KLRG1: variants seen among roughly 807,000 people sequenced by gnomAD.
KLRG1 encodes the protein killer cell lectin like receptor G1.
KLRG1 carries 16 observed loss-of-function variants against 21.8 expected under a neutral mutation model. That is an observed-to-expected ratio of 0.73 (90% CI 0.50 to 1.11). The LOEUF is 1.11. Ranked by LOEUF, KLRG1 falls within the 50% of genes most tolerant of loss-of-function variation. The pLI is 0.00. For missense variants in KLRG1, 173 were observed against 218.3 expected (o/e 0.79, Z 1.31); for synonymous variants, 69 against 75.9 (o/e 0.91, Z 0.47).
At chr12:9,036,903 G>A in the KLRG1 span, 21 of 332,992 alleles carry the variant, frequency 6.3e-5, no homozygotes, top group East Asian at 1.1e-3. Flanking sequence ...ACCGGATGGG[G>A]GACTTCGAGC....
the KLRG1 span, chr12:9,072,750 T>C: frequency 2.5e-6 from 4 of 1,614,084 alleles, no homozygotes; most frequent in South Asian, 4.4e-5. Context: ...GTTGTTGTTG[T>C]CCACTTGGAA....
At chr12:9,128,921 A>G in the KLRG1 span, among the ~76,000 whole-genome samples, 1 of 152,254 alleles carries the variant, frequency 6.6e-6, no homozygotes, top group South Asian at 2.1e-4. Flanking sequence ...TTTGCTATGT[A>G]TTTAGGCTCT....
intron 3 of KLRG1, among the ~76,000 whole-genome samples, chr12:8,998,104 G>A (rs1947190150): frequency 6.6e-6 from 1 of 152,108 alleles, no homozygotes. Flanking sequence ...TGAGGTGGGT[G>A]GATCACTTGA....
chr12:9,199,417 TC>T, the KLRG1 span, among the ~76,000 whole-genome samples: 3 of 152,330 alleles, frequency 2.0e-5, no homozygotes, highest in African/African-American at 7.2e-5. Context: ...AGTGGAAATT[TC>T]TGGGGGAGAG....
the KLRG1 span, chr12:9,109,990 C>T: frequency 1.2e-6 from 2 of 1,613,792 alleles, no homozygotes; most frequent in South Asian, 2.2e-5. Context: ...AGGCCACCCT[C>T]TAACTGGAAA....
At chr12:9,050,157 A>G in the KLRG1 span, among the ~76,000 whole-genome samples, 57,490 of 152,130 alleles carry the variant, frequency 0.38, 11,448 homozygotes, top group African/African-American at 0.47. Flanking sequence ...AAAACGTGTC[A>G]CATTGGTGCA....
chr12:9,070,688 C>T, the KLRG1 span: 2 of 707,616 alleles, frequency 2.8e-6, no homozygotes, highest in Admixed American at 2.9e-5. Context: ...CGTAAGTCTT[C>T]CCAAATATCT....
the KLRG1 span, among the ~76,000 whole-genome samples, chr12:9,031,486 C>T: frequency 2.6e-5 from 4 of 152,156 alleles, no homozygotes; most frequent in Non-Finnish European, 4.4e-5. Flanking sequence ...GGTACCTTAG[C>T]TCTGGTTTCG....
At chr12:9,141,606 C>T in the KLRG1 span, among the ~76,000 whole-genome samples, 2 of 152,332 alleles carry the variant, frequency 1.3e-5, no homozygotes, top group African/African-American at 4.8e-5. Flanking sequence ...CCAAAACTTG[C>T]TTAAACCTTC....
At chr12:9,079,549 T>C in the KLRG1 span, 4 of 1,258,666 alleles carry the variant, frequency 3.2e-6, no homozygotes, top group Middle Eastern at 2.2e-4. Context: ...GCTAAGCTAA[T>C]GTATCATAAT....
the KLRG1 span, chr12:9,169,567 C>T: frequency 2.5e-6 from 4 of 1,612,422 alleles, no homozygotes; most frequent in South Asian, 1.1e-5. Flanking sequence ...TTGGTGAGAT[C>T]CTTCACAGTT....
the KLRG1 span, chr12:9,151,650 C>T: frequency 9.8e-5 from 158 of 1,613,686 alleles, no homozygotes; most frequent in Non-Finnish European, 1.3e-4. Context: ...TTCTGTCCGG[C>T]TCACAGAGCT....
chr12:8,961,586 TA>T (rs1281943938), intron 1 of KLRG1, among the ~76,000 whole-genome samples: 2 of 125,398 alleles, frequency 1.6e-5, no homozygotes, highest in Non-Finnish European at 3.7e-5. Context: ...CTAATTTTTG[TA>T]TTTTTTTTTT....
chr12:9,035,611 C>T, the KLRG1 span, among the ~76,000 whole-genome samples: 1 of 149,108 alleles, frequency 6.7e-6, no homozygotes. Flanking sequence ...AAAAAAAAGA[C>T]AGAACTACCA....
the KLRG1 span, chr12:9,069,834 A>T: frequency 6.2e-7 from 1 of 1,610,802 alleles, no homozygotes; most frequent in Non-Finnish European, 8.5e-7. Context: ...TTGAAATACC[A>T]CAAATGTTAA....
chr12:9,200,344 A>T, the KLRG1 span: 2 of 1,534,472 alleles, frequency 1.3e-6, no homozygotes, highest in African/African-American at 1.4e-5. Flanking sequence ...AAAATTTTAG[A>T]TAAAAACAAT....
At chr12:9,060,542 G>T in the KLRG1 span, among the ~76,000 whole-genome samples, 7 of 152,206 alleles carry the variant, frequency 4.6e-5, no homozygotes, top group Non-Finnish European at 4.4e-5. Context: ...TGAGGCAGAA[G>T]AATTGCTTGA....
the KLRG1 span, among the ~76,000 whole-genome samples, chr12:9,147,840 G>C: frequency 6.6e-6 from 1 of 152,034 alleles, no homozygotes; most frequent in African/African-American, 2.4e-5. Context: ...TTCTCCAAAT[G>C]TTGCCTTTAT....
At chr12:9,173,736 G>A in the KLRG1 span, among the ~76,000 whole-genome samples, 8 of 152,194 alleles carry the variant, frequency 5.3e-5, no homozygotes, top group African/African-American at 1.9e-4. Flanking sequence ...AGAAGAAATG[G>A]ATAAACTACT....
Sources: allele counts gnomAD v4.1 joint callset (sites outside exome capture counted in the v4.1 genomes callset), GRCh38; gene constraint gnomAD v4.1.1; transcripts MANE v1.5; gene names NCBI Gene and HGNC (gene_info 2026-07-23, HGNC 2026-07-21).